The following NEK10 variants were observed in gnomAD, a reference collection of about 807,000 sequenced individuals.
NEK10 encodes serine/threonine-protein kinase Nek10.
A neutral mutation model predicts 159.8 loss-of-function variants in NEK10; 122 were observed. The observed-to-expected ratio is 0.76, with a 90% CI of 0.66 to 0.89. The LOEUF (loss-of-function observed/expected upper bound fraction) is 0.89, where lower values mean the gene tolerates loss of function less well. Among genes scored for constraint, NEK10 ranks in the 40% least tolerant of loss-of-function variants. The pLI is 0.00. For synonymous variants in NEK10, 466 were observed against 457.1 expected (o/e 1.02, Z -0.25); for missense variants, 1,342 against 1,323.1 (o/e 1.01, Z -0.22).
intron 24 of NEK10, among the ~76,000 whole-genome samples, chr3:27,201,986 TAA>T (rs200886257): frequency 6.8e-6 from 1 of 147,840 alleles, no homozygotes; most frequent in Non-Finnish European, 1.5e-5. Context: ...TGGTGAAACC[TAA>T]AAAAAAAAAT....
intron 30 of NEK10, among the ~76,000 whole-genome samples, chr3:27,141,876 G>GCAGT (rs1943816785): frequency 6.6e-6 from 1 of 152,176 alleles, no homozygotes; most frequent in South Asian, 2.1e-4. Context: ...TCAGGAGTCA[G>GCAGT]CAGTGCCTTA....
chr3:27,353,742 T>C (rs1053576608), intron 1 of NEK10, among the ~76,000 whole-genome samples: 1 of 152,174 alleles, frequency 6.6e-6, no homozygotes, highest in African/African-American at 2.4e-5. Context: ...GACCCTTTAC[T>C]GTGCCCACTC....
chr3:27,245,013 A>C (rs1954919928), intron 23 of NEK10, among the ~76,000 whole-genome samples: 1 of 152,150 alleles, frequency 6.6e-6, no homozygotes, highest in Non-Finnish European at 1.5e-5. Context: ...ACTGTCACTC[A>C]ACCCTAAAGT....
At chr3:27,147,378 G>A (rs1459440809) in intron 30 of NEK10, among the ~76,000 whole-genome samples, 1 of 152,200 alleles carries the variant, frequency 6.6e-6, no homozygotes, top group African/African-American at 2.4e-5. Flanking sequence ...TCTATAATCA[G>A]ACAAAAAGTG....
chr3:27,204,152 C>G (rs143432901), intron 23 of NEK10, among the ~76,000 whole-genome samples: 474 of 152,190 alleles, frequency 3.1e-3, no homozygotes, highest in African/African-American at 0.01. Flanking sequence ...TGTGAGTGTT[C>G]CACCCATATC....
rs564672656 is a variant in NEK10, at chr3:27,131,507, C to T, written c.3081+373G>A. On this transcript the variant is annotated intron_variant, in intron 32 of 35. Coordinates refer to ENST00000691995, the MANE Select transcript of NEK10 (RefSeq NM_001394966.1). ...TCATAGATAATAAAAAATCAATGGC[C>T]CCAGATGGTTAAATGACTTCTTCAG... Among the ~76,000 whole-genome samples the T allele has an allele frequency of 2.6e-5, 4 of 151,972 alleles. No individual in the cohort carries two copies. In the South Asian group the frequency reaches 8.3e-4, roughly 32 times the overall value.
At position 27,107,563 on chromosome 3, in the gene NEK10, A is replaced by T. The variant is rs1469114285; in HGVS notation, c.*3709T>A. ...AAGATATCATGTAAGTATATATGAA[A>T]TTCATTTATTACATTTAGTTGTTGA... On this transcript the variant is annotated 3_prime_UTR_variant, in exon 36 of 36. Coordinates refer to ENST00000691995, the MANE Select transcript of NEK10 (RefSeq NM_001394966.1). Among the ~76,000 whole-genome samples, 1 of 152,248 alleles carries T rather than the reference A, an allele frequency of 6.6e-6. No homozygotes were observed. Among genetic ancestry groups the T allele is most frequent in the African/African-American group, 2.4e-5 (1 of 41,470 alleles).
chr3:27,301,949 T>G (rs1349575994), intron 12 of NEK10, 114 bp from the exon 13 acceptor site: 3 of 764,774 alleles, frequency 3.9e-6, no homozygotes, highest in Non-Finnish European at 4.3e-6. Context: ...GGCATCATTA[T>G]TGTTTCACTT....
intron 29 of NEK10, among the ~76,000 whole-genome samples, chr3:27,167,237 G>A (rs888225834): frequency 1.3e-4 from 20 of 151,528 alleles, no homozygotes; most frequent in Non-Finnish European, 2.9e-4. Flanking sequence ...TCAGTCCTTG[G>A]TAATGAGATA....
At position 27,114,230 on chromosome 3, in the gene NEK10, T is replaced by C. The variant is rs1462487904; in HGVS notation, c.3299+1710A>G. Among the ~76,000 whole-genome samples the C allele has an allele frequency of 3.3e-5, 5 of 152,294 alleles. No individual in the cohort carries two copies. The East Asian group carries it at 9.7e-4, about 29-fold the overall frequency. On this transcript the variant is annotated intron_variant, in intron 35 of 35. Transcript: ENST00000691995. The stretch of plus-strand genomic sequence containing the variant: ...CCCAGAAATGAGAAATATCCAAACT[T>C]GGTCAGAGGTCCTTGCTGCTCTTTC...
At chr3:27,204,691 T>C (rs1383039379) in intron 23 of NEK10, among the ~76,000 whole-genome samples, 8 of 130,866 alleles carry the variant, frequency 6.1e-5, no homozygotes, top group Non-Finnish European at 1.2e-4. Context: ...TGCCACATTT[T>C]CTTAATCCAG....
At chr3:27,304,725 G>T in intron 12 of NEK10, 22 bp downstream of exon 12, 1 of 1,533,078 alleles carries the variant, frequency 6.5e-7, no homozygotes, top group Non-Finnish European at 9.0e-7. Context: ...GGCAAAGTAG[G>T]CCAAAGCCCA....
intron 20 of NEK10, among the ~76,000 whole-genome samples, chr3:27,285,267 A>T (rs1316947383): frequency 2.0e-5 from 3 of 152,188 alleles, no homozygotes; most frequent in Non-Finnish European, 4.4e-5. Context: ...AAGGTGCCAC[A>T]GAGAACAAGT....
intron 22 of NEK10, among the ~76,000 whole-genome samples, chr3:27,266,849 G>A (rs1198382775): frequency 6.6e-6 from 1 of 152,200 alleles, no homozygotes. Context: ...TGTAGCACTT[G>A]TGCAGTGTGC....
At chr3:27,204,275 C>CTTTTTTTTTTTTTTTTTTTTTT (rs1203026508) in intron 23 of NEK10, among the ~76,000 whole-genome samples, 20 of 63,966 alleles carry the variant, frequency 3.1e-4, no homozygotes, top group South Asian at 1.2e-3. Flanking sequence ...GATAAATTTT[C>CTTTTTTTTTTTTTTTTTTTTTT]TTTTTTTTTT....
At chr3:27,269,711 G>C (rs534061539) in intron 22 of NEK10, among the ~76,000 whole-genome samples, 2 of 152,296 alleles carry the variant, frequency 1.3e-5, no homozygotes, top group East Asian at 3.9e-4. Context: ...CTGGAACAAA[G>C]TCCACAGTAT....
chr3:27,358,700 C>T (rs77667319), intron 1 of NEK10, among the ~76,000 whole-genome samples: 40 of 152,210 alleles, frequency 2.6e-4, no homozygotes, highest in African/African-American at 8.4e-4. Context: ...CCCAGAAACC[C>T]GTTTTTATTC....
intron 23 of NEK10, among the ~76,000 whole-genome samples, chr3:27,244,093 C>A (rs1305538309): frequency 1.1e-4 from 16 of 152,130 alleles, no homozygotes; most frequent in Admixed American, 1.0e-3. Flanking sequence ...CTTTACAATG[C>A]CAAGAGGAAA....
At chr3:27,141,435 A>G (rs1389228978) in intron 31 of NEK10, 47 bp downstream of exon 31, 2 of 1,426,834 alleles carry the variant, frequency 1.4e-6, no homozygotes, top group Admixed American at 3.7e-5. Flanking sequence ...TATTAGCACC[A>G]AACTTGCATT....
Sources: gnomAD v4.1 joint callset for allele counts (sites outside exome capture counted in the v4.1 genomes callset) on GRCh38, gnomAD v4.1.1 for gene constraint, MANE v1.5 for transcripts, NCBI Gene and HGNC (gene_info 2026-07-23, HGNC 2026-07-21) for gene names.